CCND3: variants seen among roughly 807,000 people sequenced by gnomAD.
CCND3 encodes cyclin D3.
A neutral mutation model predicts 28.7 loss-of-function variants in CCND3; 9 were observed. The ratio of observed to expected loss-of-function variants is 0.31; its 90% CI spans 0.19 to 0.55. The LOEUF (loss-of-function observed/expected upper bound fraction) is 0.55, where lower values mean the gene tolerates loss of function less well. CCND3 is among the 20% of genes least tolerant of loss of function. The pLI, the probability that CCND3 is intolerant of heterozygous loss-of-function variation, is 0.93. For synonymous variants in CCND3, 164 were observed against 163.9 expected (o/e 1.00, Z 0.00); for missense variants, 315 against 385.8 (o/e 0.82, Z 1.54).
chr6:42,006,862 C>T (rs1007679034), intron 1 of CCND3, among the ~76,000 whole-genome samples: 7 of 151,240 alleles, frequency 4.6e-5, no homozygotes, highest in East Asian at 1.9e-4. Context: ...GAGCCGAGAT[C>T]GCTCCACTGC....
Position 41,938,200 on chromosome 6 carries a change from C to T in CCND3, c.415-806G>A, listed in dbSNP as rs1256919463. The T allele has an allele frequency of 1.3e-5, 2 of 152,310 alleles. No individual in the cohort carries two copies. The highest frequency in any genetic ancestry group is 3.9e-4 in the East Asian group (2 of 5,192). 9.4% of individuals were successfully genotyped at this position (152,310 alleles called of 1,614,324 possible). A position where few individuals can be genotyped will look rare whatever the true frequency, so the allele number is the denominator to read the frequency against. On this transcript the variant is annotated intron_variant, in intron 2 of 4. Transcript: ENST00000372991. This position sits in a 1 kb window ranked among gnomAD's most constrained non-coding sequence, Gnocchi z 4.6. The stretch of plus-strand genomic sequence containing the variant: ...CTAGGTCTCGGGAGAAGGCTGGGAG[C>T]TCCACCCCAGTCCACTCGTCATGGG...
chr6:42,048,635 C>T lies in CCND3; in HGVS notation c.-180G>A, dbSNP rs142318552. ...CGAGGAGAGGATTGCACCTCTCCCCCCCGGCCGGCATCCGAACAGAGCCAG... is the reference window on the plus strand; with the variant it reads ...CGAGGAGAGGATTGCACCTCTCCCCTCCGGCCGGCATCCGAACAGAGCCAG... On this transcript the variant is annotated 5_prime_UTR_variant, in exon 1 of 5. Coordinates refer to the CCND3 transcript ENST00000372988. The surrounding 1 kb of genome is among the most constrained non-coding windows in gnomAD (Gnocchi z 4.7). 2.1e-4 allele frequency: 111 copies of T among 518,136 alleles called. No homozygotes were observed. The highest frequency in any genetic ancestry group is 2.5e-4 in the Non-Finnish European group (64 of 259,614). 32.1% of individuals were successfully genotyped at this position (518,136 alleles called of 1,614,324 possible). A position where few individuals can be genotyped will look rare whatever the true frequency, so the allele number is the denominator to read the frequency against.
intron 1 of CCND3, among the ~76,000 whole-genome samples, chr6:42,039,820 G>A (rs1764318591): frequency 1.3e-5 from 2 of 152,184 alleles, no homozygotes; most frequent in Admixed American, 1.3e-4. Context: ...CAGGGCTGGG[G>A]CACCCTTGCT....
intron 2 of CCND3, 102 bp from the exon 3 acceptor site, chr6:41,937,496 T>A: frequency 1.4e-6 from 2 of 1,408,900 alleles, no homozygotes; most frequent in Non-Finnish European, 1.9e-6. Flanking sequence ...CATCAAACTT[T>A]TAAAGCCCAA....
chr6:42,006,833 A>C (rs4714544), intron 1 of CCND3, among the ~76,000 whole-genome samples: 1 of 151,398 alleles, frequency 6.6e-6, no homozygotes, highest in Non-Finnish European at 1.5e-5. Flanking sequence ...GTGTGAACCC[A>C]GGGGGCAGAG....
At chr6:42,010,536 C>T (rs4607417) in intron 1 of CCND3, among the ~76,000 whole-genome samples, 79,121 of 151,978 alleles carry the variant, frequency 0.52, 20,579 homozygotes, top group Middle Eastern at 0.57. Context: ...CCAAGCCCGA[C>T]AGTAAATGAA....
rs1212984456 is a variant in CCND3, at chr6:41,940,365, C to G, written c.414+5G>C. 1 of 1,611,280 alleles carries G rather than the reference C, an allele frequency of 6.2e-7. No individual in the cohort carries two copies. The highest frequency in any genetic ancestry group is 1.1e-5 in the South Asian group (1 of 91,042). The stretch of plus-strand genomic sequence containing the variant: ...TGTCGGGGGTGGGGGGAGTTACACA[C>G]GCACCCGCAACTGGCGGGGAGAGAC... On this transcript the variant is annotated splice_donor_5th_base_variant and intron_variant, in intron 2 of 4. Coordinates refer to ENST00000372991, the MANE Select transcript of CCND3 (RefSeq NM_001760.5).
intron 1 of CCND3, among the ~76,000 whole-genome samples, chr6:41,972,296 TGTAA>T (rs1762056605): frequency 6.6e-6 from 1 of 151,908 alleles, no homozygotes; most frequent in African/African-American, 2.4e-5. Context: ...TCTAACATTC[TGTAA>T]GTGAGCCCAT....
At chr6:42,041,249 G>A (rs962977237) in intron 1 of CCND3, among the ~76,000 whole-genome samples, 3 of 152,208 alleles carry the variant, frequency 2.0e-5, no homozygotes, top group Non-Finnish European at 4.4e-5. Flanking sequence ...ACTGAAAAAA[G>A]TTTTAAGAAC....
intron 1 of CCND3, among the ~76,000 whole-genome samples, chr6:42,031,065 G>A (rs1764028010): frequency 6.6e-6 from 1 of 152,096 alleles, no homozygotes; most frequent in African/African-American, 2.4e-5. Context: ...TTATCTTGGG[G>A]CTCAATCCAG....
At chr6:42,007,120 A>G (rs775875870) in intron 1 of CCND3, among the ~76,000 whole-genome samples, 3 of 152,152 alleles carry the variant, frequency 2.0e-5, no homozygotes, top group Non-Finnish European at 4.4e-5. Flanking sequence ...ACCTACATAC[A>G]TATATATGCA....
chr6:41,992,390 T>C (rs1282323333), intron 1 of CCND3, among the ~76,000 whole-genome samples: 3 of 151,156 alleles, frequency 2.0e-5, no homozygotes, highest in Admixed American at 6.6e-5. Flanking sequence ...CTCAAACCCC[T>C]GACCTCAAGT....
At chr6:41,994,196 G>C (rs1351097221) in intron 1 of CCND3, among the ~76,000 whole-genome samples, 1 of 151,726 alleles carries the variant, frequency 6.6e-6, no homozygotes. Flanking sequence ...TTGTGTTACA[G>C]TTGCCTACAG....
chr6:41,989,849 T>C (rs1012464414), intron 1 of CCND3, among the ~76,000 whole-genome samples: 2 of 152,156 alleles, frequency 1.3e-5, no homozygotes, highest in Non-Finnish European at 2.9e-5. Context: ...ACTGAAAACT[T>C]ACGTGCACAC....
At chr6:41,983,337 A>C (rs1156612417) in intron 1 of CCND3, among the ~76,000 whole-genome samples, 2 of 149,628 alleles carry the variant, frequency 1.3e-5, no homozygotes, top group Non-Finnish European at 3.0e-5. Context: ...GTGCCATTGC[A>C]CTCCAACCTG....
In CCND3 at chr6:41,993,848, G is replaced by A. The variant is rs144923695; in HGVS notation, c.-45-53263C>T. Among the ~76,000 whole-genome samples, 515 of 150,454 alleles carry A rather than the reference G, an allele frequency of 3.4e-3. 3 individuals are homozygous for A. The highest frequency in any genetic ancestry group is 0.011 in the African/African-American group (468 of 40,840). On this transcript the variant is annotated intron_variant, in intron 1 of 4. Coordinates refer to the CCND3 transcript ENST00000372988. ...TGAGGCAGGAGAATAGCTTGAACCC[G>A]GGAGGTGGAGGTTGTAGTCAACCAA... is the stretch of plus-strand genomic sequence containing the variant.
rs1775995221 is a variant in CCND3 at position 41,941,047 on chromosome 6, C to G, written c.198+405G>C. 1.3e-6 allele frequency: 2 copies of G among 1,596,270 alleles called. No homozygotes were observed. The highest frequency in any genetic ancestry group is 1.7e-4 in the Middle Eastern group (1 of 5,970). On this transcript the variant is annotated intron_variant, in intron 1 of 4. Transcript: ENST00000372991. This position sits in a 1 kb window ranked among gnomAD's most constrained non-coding sequence, Gnocchi z 6.1. ...CGCGCGCCACCCCCATCGCCTTCCC[C>G]GCCAGAACCCCGCGAAAGACACAGG... is the stretch of plus-strand genomic sequence containing the variant.
upstream of CCND3, among the ~76,000 whole-genome samples, chr6:41,945,180 G>A (rs1169632324): frequency 6.6e-6 from 1 of 152,148 alleles, no homozygotes; most frequent in African/African-American, 2.4e-5. Context: ...CCCCAAGGAG[G>A]AAAGATACAT....
intron 1 of CCND3, among the ~76,000 whole-genome samples, chr6:42,024,189 G>T (rs1763797482): frequency 6.6e-6 from 1 of 151,882 alleles, no homozygotes; most frequent in East Asian, 1.9e-4. Context: ...GGATCACGAG[G>T]TCAGGAGATG....
Sources: gnomAD v4.1 joint callset for allele counts (sites outside exome capture counted in the v4.1 genomes callset) on GRCh38, gnomAD v4.1.1 for gene constraint, Gnocchi (gnomAD v3.1) non-coding constraint, MANE v1.5 for transcripts, NCBI Gene and HGNC (gene_info 2026-07-23, HGNC 2026-07-21) for gene names.